The following TTLL3 variants were observed in gnomAD, a reference collection of about 807,000 sequenced individuals.
TTLL3 encodes the protein tubulin tyrosine ligase like 3, also known as tubulin monoglycylase TTLL3.
In TTLL3, 63 loss-of-function variants were observed where a neutral mutation model predicts 75.2. The observed-to-expected ratio is 0.84, with a 90% CI of 0.68 to 1.03. TTLL3 has a LOEUF of 1.03. Among genes scored for constraint, TTLL3 ranks in the 50% least tolerant of loss-of-function variants. The pLI, the probability that TTLL3 is intolerant of heterozygous loss-of-function variation, is 0.00. For missense variants in TTLL3, 997 were observed against 1,069.9 expected (o/e 0.93, Z 0.95); for synonymous variants, 393 against 418.5 (o/e 0.94, Z 0.74).
Position 9,835,161 on chromosome 3 carries a change from CG to C in TTLL3, c.2122del (p.Glu708AsnfsTer4), listed in dbSNP as rs1559230607. ...CCTTGTTGCCTCTGCCCTTTGAAGT[CG>C]GAACAATTCCTAGCACCTGTCGGAA... ...EVPCCLCPLK[S>X]EQFLAPVGRS... On this transcript the variant is annotated frameshift_variant, in exon 14 of 14. Transcript: ENST00000685419. LOFTEE classifies it low-confidence loss of function (END_TRUNC). The C allele has an allele frequency of 6.2e-7, 1 of 1,614,198 alleles. No homozygotes were observed. The highest frequency in any genetic ancestry group is 1.1e-5 in the South Asian group (1 of 91,084).
chr3:9,820,766 TG>T (rs766438907), intron 8 of TTLL3, 25 bp downstream of exon 8: 1 of 1,612,406 alleles, frequency 6.2e-7, no homozygotes. Context: ...GCTGGGACTT[TG>T]GGCTGTGGGC....
intron 5 of TTLL3, 105 bp downstream of exon 5, chr3:9,816,307 A>C: frequency 8.4e-7 from 1 of 1,194,452 alleles, no homozygotes; most frequent in Non-Finnish European, 1.1e-6. Context: ...TTCTCAGGAC[A>C]AGGGGAAGTA....
chr3:9,835,612 C>A lies in TTLL3; in HGVS notation c.*123C>A. On this transcript the variant is annotated 3_prime_UTR_variant, in exon 14 of 14. Coordinates refer to ENST00000685419, the MANE Select transcript of TTLL3 (RefSeq NM_001387446.1). ...CAGGGGTGGGGAGCGTGAGCCTTCA[C>A]TTTACAGATGAAGAAACTGAGTCTG... is the stretch of plus-strand genomic sequence containing the variant. The A allele has an allele frequency of 1.0e-6, 1 of 980,704 alleles. No individual in the cohort carries two copies. Among genetic ancestry groups the A allele is most frequent in the Non-Finnish European group, 1.5e-6 (1 of 675,062 alleles). 60.8% of individuals were successfully genotyped at this position (980,704 alleles called of 1,614,324 possible). A position where few individuals can be genotyped will look rare whatever the true frequency, so the allele number is the denominator to read the frequency against.
At chr3:9,827,276 C>T (rs1363438450) in intron 10 of TTLL3, 36 bp downstream of exon 10, 1 of 1,605,070 alleles carries the variant, frequency 6.2e-7, no homozygotes, top group South Asian at 1.1e-5. Context: ...GAGCTCCCTG[C>T]CTAGTTGGGG....
At chr3:9,826,757 C>CT (rs2124929839) in intron 9 of TTLL3, among the ~76,000 whole-genome samples, 1 of 148,676 alleles carries the variant, frequency 6.7e-6, no homozygotes, top group South Asian at 2.1e-4. Flanking sequence ...AAGTCCAGCA[C>CT]TTTAAATTTG....
chr3:9,828,764 A>T, intron 10 of TTLL3, 196 bp from the exon 11 acceptor site: 1 of 687,214 alleles, frequency 1.5e-6, no homozygotes. Flanking sequence ...GCCCTGAGAG[A>T]TAAGAGTGGT....
chr3:9,826,930 GAC>G (rs1274588081), intron 9 of TTLL3, 65 bp from the exon 10 acceptor site: 2 of 1,601,866 alleles, frequency 1.2e-6, no homozygotes, highest in Non-Finnish European at 1.7e-6. Context: ...AAGAGCTCAT[GAC>G]AAGCTGGCCC....
upstream of TTLL3, chr3:9,809,978 C>A: frequency 7.7e-7 from 1 of 1,303,924 alleles, no homozygotes; most frequent in Non-Finnish European, 9.7e-7. Flanking sequence ...GATCAGGGGC[C>A]CTGGGAGGGC....
chr3:9,833,795 C>G (rs1285309006), intron 12 of TTLL3, among the ~76,000 whole-genome samples: 1 of 152,032 alleles, frequency 6.6e-6, no homozygotes, highest in Admixed American at 6.6e-5. Context: ...GAGTTATGAT[C>G]GCACCTCTGC....
At chr3:9,834,567 T>A in intron 12 of TTLL3, 114 bp from the exon 13 acceptor site, 1 of 1,505,444 alleles carries the variant, frequency 6.6e-7, no homozygotes, top group Non-Finnish European at 9.0e-7. Flanking sequence ...GAGGGCTCCG[T>A]CGGCCTTCAC....
chr3:9,810,844 C>T lies in TTLL3; in HGVS notation c.48+135C>T, dbSNP rs773522158. On this transcript the variant is annotated intron_variant, in intron 2 of 13. Transcript: ENST00000685419. The surrounding 1 kb of genome is among the most constrained non-coding windows in gnomAD (Gnocchi z 4.4). ...AGCAAAAATCCTCAACCACCACACC[C>T]ATCTTCAACTACCTCCCCGTTTACC... is the stretch of plus-strand genomic sequence containing the variant. The T allele has an allele frequency of 5.4e-5, 44 of 810,760 alleles. No individual in the cohort carries two copies. Among genetic ancestry groups the T allele is most frequent in the Non-Finnish European group, 7.2e-5 (38 of 526,260 alleles). 50.2% of individuals were successfully genotyped at this position (810,760 alleles called of 1,614,324 possible).
At chr3:9,827,389 C>A in intron 10 of TTLL3, 149 bp downstream of exon 10, 2 of 1,398,646 alleles carry the variant, frequency 1.4e-6, no homozygotes, top group South Asian at 1.5e-5. Flanking sequence ...TGCCAGCTGT[C>A]CTTGCATCCA....
At chr3:9,824,641 C>A (rs1245073077) in intron 8 of TTLL3, among the ~76,000 whole-genome samples, 1 of 152,042 alleles carries the variant, frequency 6.6e-6, no homozygotes, top group Non-Finnish European at 1.5e-5. Flanking sequence ...AATCTCTTAA[C>A]CTTGTGATCC....
Position 9,829,207 on chromosome 3 carries a change from G to A in TTLL3, c.1495G>A (p.Asp499Asn), listed in dbSNP as rs148362863. ...GGCCAGCTTTGAGCTCTATGGCGCTGACTTCGTGTTCGGGGAGGACTTCCA... is the reference window on the plus strand; with the variant it reads ...GGCCAGCTTTGAGCTCTATGGCGCTAACTTCGTGTTCGGGGAGGACTTCCA... Reference protein sequence around the residue: ...RKASFELYGADFVFGEDFQPW... With the variant: ...RKASFELYGANFVFGEDFQPW... The change falls in exon 11 of 14, where the codon GAC (aspartate) becomes AAC (asparagine). Residue 499 changes from aspartate (D) to asparagine (N), a missense_variant. Coordinates refer to ENST00000685419, the MANE Select transcript of TTLL3 (RefSeq NM_001387446.1). 6.8e-6 allele frequency: 11 copies of A among 1,614,220 alleles called. No homozygotes were observed. The highest frequency in any genetic ancestry group is 9.3e-6 in the Non-Finnish European group (11 of 1,180,024).
intron 11 of TTLL3, among the ~76,000 whole-genome samples, chr3:9,831,047 C>T (rs1483750378): frequency 2.0e-5 from 3 of 152,138 alleles, no homozygotes; most frequent in Non-Finnish European, 4.4e-5. Context: ...GTGATTTGCC[C>T]GCCTCGGCCT....
rs1355358435 is a variant in TTLL3, at chr3:9,810,355, C to G, written c.-81C>G. ...CGCCTCGGATACCCACCCCCTCGGC[C>G]CCCCGCACACCCCGGTCCTCGACCC... On this transcript the variant is annotated 5_prime_UTR_variant, in exon 1 of 14. Coordinates refer to ENST00000685419, the MANE Select transcript of TTLL3 (RefSeq NM_001387446.1). The surrounding 1 kb of genome is among the most constrained non-coding windows in gnomAD (Gnocchi z 4.4). 4 of 1,387,702 alleles carry G rather than the reference C, an allele frequency of 2.9e-6. No homozygotes were observed. The highest frequency in any genetic ancestry group is 1.5e-5 in the South Asian group (1 of 67,044). 86.0% of individuals were successfully genotyped at this position (1,387,702 alleles called of 1,614,324 possible).
upstream of TTLL3, chr3:9,810,184 C>T (rs1333143233): frequency 6.8e-7 from 1 of 1,476,846 alleles, no homozygotes; most frequent in Non-Finnish European, 8.9e-7. The surrounding 1 kb of genome is among the most constrained non-coding windows in gnomAD (Gnocchi z 4.4). Flanking sequence ...GTTCCGTCCA[C>T]CCAGGAGGCT....
In TTLL3 at chr3:9,810,708, A is replaced by G. The variant is rs770818955; in HGVS notation, c.47A>G (p.Lys16Arg). ...NAKIYVERAV[K>R]QKKIFTIQGC... ...AAAATCTACGTGGAGAGAGCTGTCA[A>G]GGTCAGAGGAGGGGCAGGGGCGCTT... Residue 16 changes from lysine (K) to arginine (R), a missense_variant and splice_region_variant, in exon 2 of 14, where the codon AAG (lysine) becomes AGG (arginine). Transcript: ENST00000685419. The surrounding 1 kb of genome is among the most constrained non-coding windows in gnomAD (Gnocchi z 4.4). 6.3e-7 allele frequency: 1 copy of G among 1,584,316 alleles called. No homozygotes were observed. Among genetic ancestry groups the G allele is most frequent in the Non-Finnish European group, 8.6e-7 (1 of 1,165,520 alleles).
rs1205510004 is a variant in TTLL3 at position 9,812,988 on chromosome 3, T to A, written c.94T>A (p.Cys32Ser). 1 of 1,542,612 alleles carries A rather than the reference T, an allele frequency of 6.5e-7. No individual in the cohort carries two copies. Among genetic ancestry groups the A allele is most frequent in the Non-Finnish European group, 8.7e-7 (1 of 1,144,782 alleles). Residue 32 changes from cysteine (C) to serine (S), a missense_variant, in exon 3 of 14, where the codon TGT (cysteine) becomes AGT (serine). Transcript: ENST00000685419. Reference protein sequence around the residue: ...TIQGCYPVIRCLLRRRGWVEK... With the variant: ...TIQGCYPVIRSLLRRRGWVEK... ...CCAAGGCTGCTACCCGGTGATCCGG[T>A]GTCTCTTGCGCCGGAGGGGCTGGGT...
Sources: allele counts gnomAD v4.1 joint callset (sites outside exome capture counted in the v4.1 genomes callset), GRCh38; gene constraint gnomAD v4.1.1; non-coding constraint Gnocchi (gnomAD v3.1); transcripts MANE v1.5; gene names NCBI Gene and HGNC (gene_info 2026-07-23, HGNC 2026-07-21).